The following DOCK7 variants were observed in gnomAD, a reference collection of about 807,000 sequenced individuals.
DOCK7 encodes the protein dedicator of cytokinesis protein 7.
Under a neutral mutation model 271.0 loss-of-function variants are expected in DOCK7, and 138 were observed. The ratio of observed to expected loss-of-function variants is 0.51; its 90% CI spans 0.44 to 0.59. The LOEUF (loss-of-function observed/expected upper bound fraction) is 0.59. Among genes scored for constraint, DOCK7 ranks in the 20% least tolerant of loss-of-function variants. The probability of loss-of-function intolerance (pLI) is 0.00; values close to 1 mark genes in which losing one functional copy is unlikely to be tolerated. For missense variants in DOCK7, 2,066 were observed against 2,592.4 expected (o/e 0.80, Z 4.41); for synonymous variants, 823 against 876.1 (o/e 0.94, Z 1.07).
chr1:62,643,373 G>C (rs894102485), intron 7 of DOCK7, among the ~76,000 whole-genome samples: 2 of 152,194 alleles, frequency 1.3e-5, no homozygotes, highest in African/African-American at 4.8e-5. Context: ...TGTGTTTGTT[G>C]AAAGGTAATT....
At chr1:62,599,507 C>T (rs1018860259) in intron 14 of DOCK7, among the ~76,000 whole-genome samples, 1 of 152,038 alleles carries the variant, frequency 6.6e-6, no homozygotes, top group African/African-American at 2.4e-5. Context: ...TTCTCCTGCA[C>T]ACTCACCTTT....
At position 62,455,286 on chromosome 1, in the gene DOCK7, T is replaced by G. The variant is rs1330415552; in HGVS notation, c.*128A>C. On this transcript the variant is annotated 3_prime_UTR_variant, in exon 50 of 50. Coordinates refer to ENST00000635253, the MANE Select transcript of DOCK7 (RefSeq NM_001367561.1). ...TAACAATCTACATTTGATATTTTCT[T>G]GGCCACTGCATTCTTCAATGAATAA... 2 of 941,562 alleles carry G rather than the reference T, an allele frequency of 2.1e-6. No homozygotes were observed. The highest frequency in any genetic ancestry group is 3.4e-6 in the Non-Finnish European group (2 of 595,494). 58.3% of individuals were successfully genotyped at this position (941,562 alleles called of 1,614,324 possible). A position where few individuals can be genotyped will look rare whatever the true frequency, so the allele number is the denominator to read the frequency against.
At chr1:62,544,354 A>G (rs890955666) in intron 23 of DOCK7, among the ~76,000 whole-genome samples, 2 of 152,186 alleles carry the variant, frequency 1.3e-5, no homozygotes, top group Non-Finnish European at 2.9e-5. Context: ...GTCTTAAGTA[A>G]GCAAAACCTA....
At chr1:62,609,005 C>T (rs1651402004) in intron 14 of DOCK7, 1 of 152,066 alleles carries the variant, frequency 6.6e-6, no homozygotes, top group Admixed American at 6.5e-5. Context: ...TGATTTTTTT[C>T]CCCATCACTA....
Position 62,496,359 on chromosome 1 carries a change from C to T in DOCK7, c.4903G>A (p.Glu1635Lys). The change falls in exon 38 of 50, where the codon GAA becomes AAA. Residue 1635 changes from glutamate to lysine, a missense_variant. This residue lies in a region of DOCK7 where 652 missense variants were observed against 922.1 expected (regional missense o/e 0.71). Transcript: ENST00000635253. ...TYAEEDLELRETTFPDQVQDL... is the reference protein window; with the variant it reads ...TYAEEDLELRKTTFPDQVQDL... ...CTGACCTGATCAGGAAATGTTGTTT[C>T]CCTCAATTCCAGATCTTCTTCAGCA... The T allele has an allele frequency of 6.2e-7, 1 of 1,613,054 alleles. No individual in the cohort carries two copies.
Position 62,543,692 on chromosome 1 carries a change from G to A in DOCK7, c.2913C>T (p.Phe971=). 3 of 1,604,584 alleles carry A rather than the reference G, an allele frequency of 1.9e-6. No individual in the cohort carries two copies. Among genetic ancestry groups the A allele is most frequent in the Non-Finnish European group, 2.6e-6 (3 of 1,173,068 alleles). Residue 971 remains phenylalanine, a synonymous_variant, in exon 24 of 50, where the codon TTC becomes TTT. Coordinates refer to ENST00000635253, the MANE Select transcript of DOCK7 (RefSeq NM_001367561.1). ...GTAAGCGTCCCGTTAATGTTTGTAAGAAACTTGACGTCTCTGTGTGCGAAG... is the reference window on the plus strand; with the variant it reads ...GTAAGCGTCCCGTTAATGTTTGTAAAAAACTTGACGTCTCTGTGTGCGAAG... ...RMSSHTETSS[F]LQTLTGRLPT... is the part of the protein sequence containing the mutation.
chr1:62,473,186 G>A (rs1645878590), intron 48 of DOCK7, among the ~76,000 whole-genome samples: 1 of 152,086 alleles, frequency 6.6e-6, no homozygotes, highest in South Asian at 2.1e-4. Context: ...GCTTCCCTAC[G>A]GGAGGTAGAT....
chr1:62,475,970 C>T (rs1296459166), intron 45 of DOCK7, 27 bp from the exon 46 acceptor site: 1 of 1,608,024 alleles, frequency 6.2e-7, no homozygotes, highest in African/African-American at 1.3e-5. Flanking sequence ...TCCTTCATTT[C>T]CTCACTGTTA....
chr1:62,554,858 A>T (rs1402104961), intron 21 of DOCK7, among the ~76,000 whole-genome samples: 3 of 152,236 alleles, frequency 2.0e-5, no homozygotes, highest in African/African-American at 7.2e-5. Flanking sequence ...TATAAATGTC[A>T]ATTGCTTTTC....
At chr1:62,485,424 T>C in intron 43 of DOCK7, 1 of 985,094 alleles carries the variant, frequency 1.0e-6, no homozygotes, top group Non-Finnish European at 1.2e-6. Flanking sequence ...AATAAAAAAA[T>C]GAAACATGTG....
At chr1:62,683,889 T>C (rs1323656924) in intron 1 of DOCK7, among the ~76,000 whole-genome samples, 2 of 151,802 alleles carry the variant, frequency 1.3e-5, no homozygotes, top group Non-Finnish European at 2.9e-5. Flanking sequence ...ACTGTACCAC[T>C]GCGCTCCAGC....
At chr1:62,535,931 C>A (rs1387527516) in intron 28 of DOCK7, among the ~76,000 whole-genome samples, 1 of 151,952 alleles carries the variant, frequency 6.6e-6, no homozygotes, top group Non-Finnish European at 1.5e-5. Context: ...TTTTCAATAC[C>A]ACACTCTGAT....
Position 62,513,802 on chromosome 1 carries a change from G to A in DOCK7, c.4033C>T (p.Gln1345Ter). The A allele has an allele frequency of 6.2e-7, 1 of 1,614,148 alleles. No homozygotes were observed. Among genetic ancestry groups the A allele is most frequent in the Non-Finnish European group, 8.5e-7 (1 of 1,180,000 alleles). ...ACTGAGAGATCTGTAAACCACTTCT[G>A]TAGAACTGTTTCATCTGCATTTTTG... Reference protein sequence around the residue: ...VLKNADETVLQKWFTDLSVLQ... With the variant: ...VLKNADETVL The change falls in exon 32 of 50, where the codon CAG (glutamine) becomes TAG (stop). Residue 1345 changes from glutamine to a stop codon, truncating the protein, a stop_gained. Coordinates refer to ENST00000635253, the MANE Select transcript of DOCK7 (RefSeq NM_001367561.1). LOFTEE classifies it high-confidence loss of function.
intron 11 of DOCK7, chr1:62,627,456 A>G (rs1488777919): frequency 2.0e-5 from 3 of 152,154 alleles, no homozygotes; most frequent in Non-Finnish European, 2.9e-5. Flanking sequence ...TGCAGATGAC[A>G]CGGTTTTGTA....
intron 14 of DOCK7, chr1:62,608,467 T>G (rs1311889860): frequency 6.6e-6 from 1 of 152,228 alleles, no homozygotes; most frequent in Admixed American, 6.5e-5. Context: ...GATATCTCAA[T>G]TCTTCCACAA....
intron 7 of DOCK7, among the ~76,000 whole-genome samples, chr1:62,643,626 C>T (rs1440449554): frequency 6.6e-6 from 1 of 152,040 alleles, no homozygotes; most frequent in African/African-American, 2.4e-5. Flanking sequence ...CTTCCTAGAT[C>T]CTACTAGACA....
At position 62,636,593 on chromosome 1, in the gene DOCK7, C is replaced by T. The variant is rs1267091525; in HGVS notation, c.829G>A (p.Glu277Lys). The T allele has an allele frequency of 8.1e-6, 13 of 1,598,386 alleles. No individual in the cohort carries two copies. Among genetic ancestry groups the T allele is most frequent in the Non-Finnish European group, 1.1e-5 (13 of 1,169,954 alleles). ...AAACTTGCAAAAATGGGTTCAATTT[C>T]AATTTCAAACCTTTATGAAGAAAAA... ...VKCLSLKFEIEIEPIFASLAL... is the reference protein window; with the variant it reads ...VKCLSLKFEIKIEPIFASLAL... The change falls in exon 8 of 50, where the codon GAA becomes AAA. Residue 277 changes from glutamate (E) to lysine (K), a missense_variant. Coordinates refer to ENST00000635253, the MANE Select transcript of DOCK7 (RefSeq NM_001367561.1).
intron 14 of DOCK7, among the ~76,000 whole-genome samples, chr1:62,610,416 G>C (rs1191954401): frequency 3.3e-5 from 5 of 151,968 alleles, no homozygotes; most frequent in African/African-American, 1.2e-4. Context: ...AACCACAGCA[G>C]TATTACCAGT....
chr1:62,484,561 C>T (rs1205029489), intron 43 of DOCK7: 1 of 152,130 alleles, frequency 6.6e-6, no homozygotes, highest in African/African-American at 2.4e-5. Context: ...ACCATCATAG[C>T]TCACTGCAGC....
Sources: allele counts gnomAD v4.1 joint callset (sites outside exome capture counted in the v4.1 genomes callset), GRCh38; gene constraint gnomAD v4.1.1; regional missense constraint gnomAD v4.1.1; transcripts MANE v1.5; gene names NCBI Gene and HGNC (gene_info 2026-07-23, HGNC 2026-07-21).